SOX6: variants seen among roughly 807,000 people sequenced by gnomAD.
SOX6 encodes transcription factor SOX-6.
In SOX6, 11 loss-of-function variants were observed where a neutral mutation model predicts 97.8. That is an observed-to-expected ratio of 0.11 (90% CI 0.07 to 0.19). The LOEUF (loss-of-function observed/expected upper bound fraction) is 0.19, where lower values mean the gene tolerates loss of function less well. Ranked by LOEUF, SOX6 falls within the 10% of genes least tolerant of loss-of-function variation. The pLI, the probability that SOX6 is intolerant of heterozygous loss-of-function variation, is 1.00. For missense variants in SOX6, 810 were observed against 1,039.5 expected (o/e 0.78, Z 3.04); for synonymous variants, 360 against 371.4 (o/e 0.97, Z 0.35).
intron 4 of SOX6, among the ~76,000 whole-genome samples, chr11:16,212,298 T>C (rs1852253564): frequency 6.6e-6 from 1 of 152,184 alleles, no homozygotes; most frequent in Admixed American, 6.6e-5. Flanking sequence ...TTTTTTAACA[T>C]TTAATCCACT....
intron 6 of SOX6, among the ~76,000 whole-genome samples, chr11:16,141,520 G>A (rs1198656986): frequency 6.6e-6 from 1 of 152,108 alleles, no homozygotes; most frequent in African/African-American, 2.4e-5. Flanking sequence ...AGTGGGTGCA[G>A]GACACTGGGT....
chr11:16,560,767 T>TGGAA (rs529735642), intron 4 of SOX6, among the ~76,000 whole-genome samples: 1 of 152,050 alleles, frequency 6.6e-6, no homozygotes, highest in Non-Finnish European at 1.5e-5. Flanking sequence ...CAACACAAAC[T>TGGAA]GGAAGGAAGG....
intron 4 of SOX6, among the ~76,000 whole-genome samples, chr11:16,488,678 C>T (rs958769234): frequency 6.6e-6 from 1 of 152,178 alleles, no homozygotes; most frequent in African/African-American, 2.4e-5. Flanking sequence ...CTTAGTTGCA[C>T]ACTACAGGTT....
chr11:16,397,706 C>T (rs947121013), intron 1 of SOX6: 2 of 151,432 alleles, frequency 1.3e-5, no homozygotes, highest in South Asian at 2.1e-4. Flanking sequence ...AAAGTAAAAA[C>T]GAGGTACAGT....
At chr11:16,643,382 G>C (rs1848957103) in intron 3 of SOX6, among the ~76,000 whole-genome samples, 1 of 152,250 alleles carries the variant, frequency 6.6e-6, no homozygotes, top group Admixed American at 6.5e-5. Flanking sequence ...TGAGGAGGCA[G>C]TCTGTCCATT....
chr11:16,025,297 T>C (rs1181133004), intron 12 of SOX6, among the ~76,000 whole-genome samples: 1 of 152,204 alleles, frequency 6.6e-6, no homozygotes, highest in African/African-American at 2.4e-5. Context: ...TTCCTGAATA[T>C]TCTCTGATTA....
intron 15 of SOX6, among the ~76,000 whole-genome samples, chr11:15,977,221 A>G (rs950905668): frequency 2.0e-5 from 3 of 151,774 alleles, no homozygotes; most frequent in South Asian, 2.1e-4. Flanking sequence ...CTATCTCTGT[A>G]GATGTTCATT....
rs541860068 is a variant in SOX6 at position 16,348,555 on chromosome 11, AAAC to A, written c.-4-7306_-4-7304del. Among the ~76,000 whole-genome samples the A allele has an allele frequency of 3.4e-4, 52 of 152,296 alleles. No individual in the cohort carries two copies. In the South Asian group the frequency reaches 8.7e-3, roughly 25 times the overall value. On this transcript the variant is annotated intron_variant, in intron 1 of 15. Transcript: ENST00000683767. ...TCATCTTAAATTAAATAAAAATGAA[AAAC>A]AACAAGAAATACTAATTCATAAAAA...
intron 3 of SOX6, among the ~76,000 whole-genome samples, chr11:16,639,781 G>A (rs1848863596): frequency 6.6e-6 from 1 of 152,166 alleles, no homozygotes; most frequent in East Asian, 1.9e-4. Flanking sequence ...CTTTGCTGAA[G>A]TTGCTTATCA....
chr11:16,004,370 C>T (rs1020044003), intron 13 of SOX6, among the ~76,000 whole-genome samples: 1 of 152,060 alleles, frequency 6.6e-6, no homozygotes, highest in Non-Finnish European at 1.5e-5. Flanking sequence ...GTTTCAATGG[C>T]ATCCAAACTT....
At chr11:16,401,414 G>A (rs1180378163) in intron 1 of SOX6, among the ~76,000 whole-genome samples, 1 of 151,388 alleles carries the variant, frequency 6.6e-6, no homozygotes, top group Non-Finnish European at 1.5e-5. Context: ...ACCCTACCAC[G>A]ACTACCAGGT....
rs1847831177 is a variant in SOX6 at position 16,669,409 on chromosome 11, T to C, written n.429+45421A>G. On this transcript the variant is annotated intron_variant and non_coding_transcript_variant, in intron 3 of 5. Coordinates refer to the SOX6 transcript ENST00000524520. ...CCTCCCCCACCCAGGGAAGTGGTAC[T>C]GGAAAATCCAAGACAACTAGGGACT... is the stretch of plus-strand genomic sequence containing the variant. 2.6e-5 allele frequency among the ~76,000 whole-genome samples: 4 copies of C among 152,330 alleles called. No individual in the cohort carries two copies. The South Asian group carries it at 8.3e-4, about 32-fold the overall frequency.
At chr11:16,114,551 T>C (rs980774864) in intron 6 of SOX6, among the ~76,000 whole-genome samples, 1 of 152,142 alleles carries the variant, frequency 6.6e-6, no homozygotes, top group African/African-American at 2.4e-5. Flanking sequence ...ATCAAATTAC[T>C]GATAAAACAA....
intron 4 of SOX6, among the ~76,000 whole-genome samples, chr11:16,580,206 T>A (rs976384238): frequency 2.8e-4 from 42 of 152,098 alleles, no homozygotes; most frequent in African/African-American, 9.2e-4. Flanking sequence ...GTGATTTGCA[T>A]CCCTACTAAA....
chr11:16,310,821 A>T (rs1427187921), intron 3 of SOX6, among the ~76,000 whole-genome samples: 2 of 152,148 alleles, frequency 1.3e-5, no homozygotes, highest in African/African-American at 2.4e-5. Flanking sequence ...GTGCTTCACC[A>T]ATATAACTTT....
chr11:16,386,677 T>C (rs1168876536), intron 1 of SOX6, among the ~76,000 whole-genome samples: 1 of 152,140 alleles, frequency 6.6e-6, no homozygotes, highest in Non-Finnish European at 1.5e-5. Flanking sequence ...TTCTGTCTCC[T>C]CTTCACCAAA....
intron 4 of SOX6, among the ~76,000 whole-genome samples, chr11:16,503,234 T>C (rs1395083906): frequency 6.7e-6 from 1 of 150,144 alleles, no homozygotes; most frequent in Non-Finnish European, 1.5e-5. Context: ...CTGGAAGTGA[T>C]AAGACAACAT....
At chr11:16,444,383 G>A (rs189503236) in intron 1 of SOX6, among the ~76,000 whole-genome samples, 4 of 152,122 alleles carry the variant, frequency 2.6e-5, no homozygotes, top group Non-Finnish European at 4.4e-5. Flanking sequence ...CCCATAATTC[G>A]CTGTGGCAGT....
At chr11:16,024,314 C>A (rs1195602220) in intron 12 of SOX6, among the ~76,000 whole-genome samples, 2 of 152,154 alleles carry the variant, frequency 1.3e-5, no homozygotes, top group East Asian at 3.9e-4. Context: ...TAGTTTATTA[C>A]GGCAACCCTG....
Sources: gnomAD v4.1 joint callset for allele counts (sites outside exome capture counted in the v4.1 genomes callset) on GRCh38, gnomAD v4.1.1 for gene constraint, MANE v1.5 for transcripts, NCBI Gene and HGNC (gene_info 2026-07-23, HGNC 2026-07-21) for gene names.